The following RBFOX1 variants were observed in gnomAD, a reference collection of about 807,000 sequenced individuals.
The protein encoded by RBFOX1 is RNA binding protein fox-1 homolog 1.
Under a neutral mutation model 57.7 loss-of-function variants are expected in RBFOX1, and 8 were observed. The ratio of observed to expected loss-of-function variants is 0.14; its 90% CI spans 0.08 to 0.25. RBFOX1 has a LOEUF of 0.25. Among genes scored for constraint, RBFOX1 ranks in the 10% least tolerant of loss-of-function variants. The pLI is 1.00. For missense variants in RBFOX1, 611 were observed against 548.5 expected, an observed-to-expected ratio of 1.11 and a Z score of -1.14; for synonymous variants, 326 against 222.4, an observed-to-expected ratio of 1.47 and a Z score of -4.15.
intron 3 of RBFOX1, 47 bp downstream of exon 3, chr16:6,654,697 T>G (rs1303416636): frequency 3.5e-6 from 5 of 1,422,646 alleles, no homozygotes; most frequent in Non-Finnish European, 4.7e-6. Flanking sequence ...AAACAAGAAC[T>G]CTGTGAATTG....
chr16:7,195,391 A>G (rs867708881), intron 4 of RBFOX1, among the ~76,000 whole-genome samples: 1 of 152,164 alleles, frequency 6.6e-6, no homozygotes, highest in South Asian at 2.1e-4. Flanking sequence ...TAAGAGTATC[A>G]AAGACATATT....
intron 2 of RBFOX1, among the ~76,000 whole-genome samples, chr16:6,387,399 C>G (rs1355057537): frequency 1.3e-5 from 2 of 151,650 alleles, no homozygotes; most frequent in African/African-American, 2.4e-5. Flanking sequence ...TCTATTTACA[C>G]TCCTCGGATT....
chr16:6,241,553 A>G (rs1196647531), intron 1 of RBFOX1, among the ~76,000 whole-genome samples: 1 of 152,194 alleles, frequency 6.6e-6, no homozygotes, highest in Non-Finnish European at 1.5e-5. Flanking sequence ...ACACAGTTAG[A>G]TGGTAAAGTC....
At chr16:6,939,829 G>C (rs915496332) in intron 3 of RBFOX1, among the ~76,000 whole-genome samples, 3 of 152,102 alleles carry the variant, frequency 2.0e-5, no homozygotes, top group African/African-American at 7.2e-5. Flanking sequence ...TTCACTAAGA[G>C]GGTATCATAT....
chr16:7,061,143 A>G (rs2153746719), intron 4 of RBFOX1, among the ~76,000 whole-genome samples: 1 of 152,294 alleles, frequency 6.6e-6, no homozygotes, highest in South Asian at 2.1e-4. Flanking sequence ...AAGCAAAGGG[A>G]GTTTGCCCCA....
chr16:6,526,356 G>T (rs2096577617), intron 2 of RBFOX1, among the ~76,000 whole-genome samples: 1 of 152,144 alleles, frequency 6.6e-6, no homozygotes, highest in African/African-American at 2.4e-5. Flanking sequence ...ATCCAGTTAT[G>T]TTGTGAAAGG....
intron 3 of RBFOX1, among the ~76,000 whole-genome samples, chr16:6,733,934 G>A (rs2069362688): frequency 6.6e-6 from 1 of 152,150 alleles, no homozygotes; most frequent in African/African-American, 2.4e-5. Flanking sequence ...TAGATAGTCT[G>A]AATAGCATCG....
At chr16:5,864,827 C>T (rs1310975680) in intron 3 of RBFOX1, among the ~76,000 whole-genome samples, 1 of 152,114 alleles carries the variant, frequency 6.6e-6, no homozygotes, top group Non-Finnish European at 1.5e-5. Flanking sequence ...AGCTAGTGGG[C>T]AATCATTAGT....
At chr16:5,566,210 G>A (rs13330382) in intron 2 of RBFOX1, among the ~76,000 whole-genome samples, 7,435 of 152,026 alleles carry the variant, frequency 0.049, 621 homozygotes, top group African/African-American at 0.17. Context: ...ATGTGAATCC[G>A]ACCACACTTG....
intron 4 of RBFOX1, among the ~76,000 whole-genome samples, chr16:7,196,672 C>T (rs1360912841): frequency 6.6e-6 from 1 of 151,874 alleles, no homozygotes; most frequent in African/African-American, 2.4e-5. Flanking sequence ...GTGTGTATAA[C>T]TATAAGTAAA....
At chr16:7,268,180 C>G (rs2095221882) in intron 4 of RBFOX1, among the ~76,000 whole-genome samples, 1 of 152,214 alleles carries the variant, frequency 6.6e-6, no homozygotes, top group African/African-American at 2.4e-5. Context: ...TGTAAAAATA[C>G]TGCATTAACG....
Position 6,019,430 on chromosome 16 carries a change from G to A in RBFOX1, c.-689G>A, listed in dbSNP as rs1358329892. The stretch of plus-strand genomic sequence containing the variant: ...GGTGGCGGACGGCGGACGGAGCCCA[G>A]GGGCCGCGTCGGGTGGGGAAACCCG... On this transcript the variant is annotated 5_prime_UTR_variant, in exon 1 of 16. Coordinates refer to ENST00000550418, the MANE Select transcript of RBFOX1 (RefSeq NM_018723.4). The surrounding 1 kb of genome is among the most constrained non-coding windows in gnomAD (Gnocchi z 4.2). 7.1e-6 allele frequency: 7 copies of A among 988,294 alleles called. No individual in the cohort carries two copies. Among genetic ancestry groups the A allele is most frequent in the Admixed American group, 6.1e-5 (1 of 16,334 alleles). 61.2% of individuals were successfully genotyped at this position (988,294 alleles called of 1,614,324 possible). A position where few individuals can be genotyped will look rare whatever the true frequency, so the allele number is the denominator to read the frequency against.
At chr16:7,365,705 T>C (rs1315296455) in intron 4 of RBFOX1, among the ~76,000 whole-genome samples, 1 of 152,214 alleles carries the variant, frequency 6.6e-6, no homozygotes, top group East Asian at 1.9e-4. Flanking sequence ...TACAGAATTA[T>C]AGCACCCAAA....
rs147756987 is a variant in RBFOX1 at position 6,279,997 on chromosome 16, C to T, written c.-126-36998C>T. ...TGCAAATAGGAGCGTGGACTGGGGACATTACAGAAGCCTATCCTAAGCAGG... is the reference window on the plus strand; with the variant it reads ...TGCAAATAGGAGCGTGGACTGGGGATATTACAGAAGCCTATCCTAAGCAGG... On this transcript the variant is annotated intron_variant, in intron 1 of 15. Transcript: ENST00000550418. Among the ~76,000 whole-genome samples, 207 of 151,412 alleles carry T rather than the reference C, an allele frequency of 1.4e-3. 1 individual carries two copies. Among genetic ancestry groups the T allele is most frequent in the African/African-American group, 4.8e-3 (199 of 41,218 alleles).
intron 4 of RBFOX1, among the ~76,000 whole-genome samples, chr16:7,152,695 G>A (rs774687040): frequency 5.3e-5 from 8 of 152,076 alleles, no homozygotes; most frequent in Non-Finnish European, 1.2e-4. Context: ...AATGCAGCAT[G>A]GGCAAAATAA....
intron 3 of RBFOX1, among the ~76,000 whole-genome samples, chr16:7,046,317 C>T (rs577419890): frequency 5.6e-4 from 85 of 151,346 alleles, no homozygotes; most frequent in Admixed American, 1.1e-3. Context: ...TCACTTTTTT[C>T]GGTTTTCTTA....
chr16:6,426,702 C>A (rs551373145), intron 2 of RBFOX1, among the ~76,000 whole-genome samples: 4 of 152,140 alleles, frequency 2.6e-5, no homozygotes, highest in Non-Finnish European at 5.9e-5. Flanking sequence ...CCCTATACCC[C>A]CATTGAGACA....
At chr16:5,510,583 A>G (rs1361491289) in intron 2 of RBFOX1, among the ~76,000 whole-genome samples, 1 of 152,012 alleles carries the variant, frequency 6.6e-6, no homozygotes, top group Non-Finnish European at 1.5e-5. Context: ...TGCCAGGGTG[A>G]AGTTTAGGGC....
Position 6,517,167 on chromosome 16 carries a change from G to A in RBFOX1, c.-63-137436G>A, listed in dbSNP as rs111649405. 7.4e-4 allele frequency among the ~76,000 whole-genome samples: 113 copies of A among 152,106 alleles called. 2 individuals are homozygous for A. The highest frequency in any genetic ancestry group is 2.5e-4 in the Non-Finnish European group (17 of 68,038). ...CAGTACATGCTGGTTCCTAATTTAG[G>A]TCCTTGGCTCGCTTCTGACAAGCCA... On this transcript the variant is annotated intron_variant, in intron 2 of 15. Coordinates refer to ENST00000550418, the MANE Select transcript of RBFOX1 (RefSeq NM_018723.4).
Sources: allele counts gnomAD v4.1 joint callset (sites outside exome capture counted in the v4.1 genomes callset), GRCh38; gene constraint gnomAD v4.1.1; non-coding constraint Gnocchi (gnomAD v3.1); transcripts MANE v1.5; gene names NCBI Gene and HGNC (gene_info 2026-07-23, HGNC 2026-07-21).